Variants in RNASEH2A observed in about 807,000 individuals in gnomAD.
The protein encoded by RNASEH2A is ribonuclease H2 subunit A, also known as RNase H(35).
RNASEH2A carries 30 observed loss-of-function variants against 32.7 expected under a neutral mutation model. That is an observed-to-expected ratio of 0.92 (90% CI 0.69 to 1.25). The LOEUF (loss-of-function observed/expected upper bound fraction) is 1.25. Among genes scored for constraint, RNASEH2A ranks in the 50% most tolerant of loss-of-function variants. The probability of loss-of-function intolerance (pLI) is 0.00; values close to 1 mark genes in which losing one functional copy is unlikely to be tolerated. For synonymous variants in RNASEH2A, 147 were observed against 165.4 expected, an observed-to-expected ratio of 0.89 and a Z score of 0.86; for missense variants, 409 against 398.1, an observed-to-expected ratio of 1.03 and a Z score of -0.23.
At chr19:12,806,863 G>T in intron 1 of RNASEH2A, 63 bp downstream of exon 1, 3 of 1,596,114 alleles carry the variant, frequency 1.9e-6, no homozygotes, top group Non-Finnish European at 2.6e-6. Flanking sequence ...ACGGGAGTCG[G>T]GATTGCACTG....
At chr19:12,807,677 A>C in intron 4 of RNASEH2A, 171 bp downstream of exon 4, 1 of 679,564 alleles carries the variant, frequency 1.5e-6, no homozygotes, top group South Asian at 1.6e-5. Context: ...CACGCCTATA[A>C]TCGCAGCACT....
intron 6 of RNASEH2A, among the ~76,000 whole-genome samples, chr19:12,812,132 G>A (rs1969083230): frequency 6.6e-6 from 1 of 152,072 alleles, no homozygotes; most frequent in Non-Finnish European, 1.5e-5. Flanking sequence ...TACTTGGGAG[G>A]CTGAGGTGAG....
At chr19:12,811,763 C>CA (rs1436214974) in intron 6 of RNASEH2A, among the ~76,000 whole-genome samples, 1 of 151,568 alleles carries the variant, frequency 6.6e-6, no homozygotes, top group Non-Finnish European at 1.5e-5. Flanking sequence ...ACTAAAAATA[C>CA]AAAATTAGCT....
intron 4 of RNASEH2A, among the ~76,000 whole-genome samples, chr19:12,808,570 TC>T (rs1969029650): frequency 1.3e-5 from 2 of 152,000 alleles, no homozygotes; most frequent in Non-Finnish European, 1.5e-5. Flanking sequence ...TCCTATCCCC[TC>T]CAATCTGTTC....
At chr19:12,809,113 G>A (rs984436937) in intron 4 of RNASEH2A, among the ~76,000 whole-genome samples, 4 of 152,090 alleles carry the variant, frequency 2.6e-5, no homozygotes, top group African/African-American at 7.2e-5. Context: ...AGTAGCTCAC[G>A]CCTGTAATCC....
rs767046465 is a variant in RNASEH2A, at chr19:12,807,298, C to A, written c.292C>A (p.Pro98Thr). The change falls in exon 3 of 8, where the codon CCA becomes ACA. Residue 98 changes from proline to threonine, a missense_variant. Transcript: ENST00000221486. ...CGGCTGGGCGCTGGATGTGCTGTCT[C>A]CAAACCTCATCTCTACCAGCATGCT... ...FVGWALDVLS[P>T]NLISTSMLGR... 1 of 1,614,056 alleles carries A rather than the reference C, an allele frequency of 6.2e-7. No homozygotes were observed. Among genetic ancestry groups the A allele is most frequent in the African/African-American group, 1.3e-5 (1 of 74,918 alleles).
intron 4 of RNASEH2A, among the ~76,000 whole-genome samples, chr19:12,809,508 CTTTTTATTTTTTG>C (rs1421020265): frequency 7.9e-5 from 12 of 152,060 alleles, no homozygotes; most frequent in Non-Finnish European, 1.2e-4. Flanking sequence ...ACCTAGCTAA[CTTTTTATTTTTTG>C]TAGAAACAGG....
At position 12,811,221 on chromosome 19, in the gene RNASEH2A, A is replaced by G. The variant is rs959571104; in HGVS notation, c.637+817A>G. On this transcript the variant is annotated intron_variant, in intron 6 of 7. Transcript: ENST00000221486. ...GAGTGATAGAGCTGAATTCCAGGCC[A>G]TAGGATTGCTGCTGTCTTCCCCGCT... is the stretch of plus-strand genomic sequence containing the variant. 3.9e-5 allele frequency among the ~76,000 whole-genome samples: 6 copies of G among 152,168 alleles called. No individual in the cohort carries two copies. The South Asian group carries it at 1.2e-3, about 31-fold the overall frequency.
chr19:12,813,113 ACG>A lies in RNASEH2A; in HGVS notation c.669_670del (p.Val224GlyfsTer51). 6.2e-7 allele frequency: 1 copy of A among 1,614,140 alleles called. No individual in the cohort carries two copies. Among genetic ancestry groups the A allele is most frequent in the Admixed American group, 1.7e-5 (1 of 60,002 alleles). ...AAGACAAAAGCGTGGTTGAAGGAGC[ACG>A]TGGAGCCTGTGTTCGGCTTCCCCCA... On this transcript the variant is annotated frameshift_variant, in exon 7 of 8. Transcript: ENST00000221486. LOFTEE classifies it high-confidence loss of function.
intron 7 of RNASEH2A, 47 bp from the exon 8 acceptor site, chr19:12,813,281 G>A (rs758878583): frequency 1.9e-6 from 3 of 1,613,940 alleles, no homozygotes; most frequent in Non-Finnish European, 2.5e-6. Flanking sequence ...TGCCTGAGAG[G>A]GTTGCTCCCT....
rs1969003180 is a variant in RNASEH2A at position 12,807,035 on chromosome 19, G to A, written c.155G>A (p.Cys52Tyr). ...LGPMVYAICY[C>Y]PLPRLADLEA... is the part of the protein sequence containing the mutation. The stretch of plus-strand genomic sequence containing the variant: ...CCCATGGTCTACGCCATCTGTTATT[G>A]TCCCCTGCCTCGCCTGGCAGATCTG... Residue 52 changes from cysteine to tyrosine, a missense_variant, in exon 2 of 8, where the codon TGT becomes TAT. Coordinates refer to ENST00000221486, the MANE Select transcript of RNASEH2A (RefSeq NM_006397.3). The A allele has an allele frequency of 6.2e-7, 1 of 1,614,086 alleles. No individual in the cohort carries two copies. The highest frequency in any genetic ancestry group is 8.5e-7 in the Non-Finnish European group (1 of 1,180,012).
chr19:12,810,186 G>C lies in RNASEH2A; in HGVS notation c.527G>C (p.Ser176Thr). The part of the protein sequence containing the change: ...AKADALYPVV[S>T]AASICAKVAR... Reference sequence around the variant, plus strand: ...GCAGATGCCCTCTACCCGGTGGTTAGTGCTGCCAGCATCTGTGCCAAGGTC... The same window carrying C: ...GCAGATGCCCTCTACCCGGTGGTTACTGCTGCCAGCATCTGTGCCAAGGTC... Residue 176 changes from serine to threonine, a missense_variant, in exon 5 of 8, where the codon AGT becomes ACT. Transcript: ENST00000221486. The C allele has an allele frequency of 6.2e-7, 1 of 1,614,228 alleles. No homozygotes were observed. Among genetic ancestry groups the C allele is most frequent in the Non-Finnish European group, 8.5e-7 (1 of 1,180,042 alleles).
At chr19:12,810,561 G>A (rs1248632842) in intron 6 of RNASEH2A, among the ~76,000 whole-genome samples, 157 bp downstream of exon 6, 1 of 151,738 alleles carries the variant, frequency 6.6e-6, no homozygotes, top group Non-Finnish European at 1.5e-5. Context: ...ACGGAGTTTC[G>A]CTCTTTTTGC....
chr19:12,810,284 G>A (rs1311740324), intron 5 of RNASEH2A, 33 bp from the exon 6 acceptor site: 7 of 1,614,130 alleles, frequency 4.3e-6, no homozygotes, highest in Non-Finnish European at 5.9e-6. Flanking sequence ...CAAAGGGAAG[G>A]AGGGAGATTC....
At chr19:12,808,193 A>G (rs1969023547) in intron 4 of RNASEH2A, among the ~76,000 whole-genome samples, 1 of 152,160 alleles carries the variant, frequency 6.6e-6, no homozygotes, top group African/African-American at 2.4e-5. Context: ...CGGAGGTTGC[A>G]GTGAGGTGAG....
At chr19:12,810,446 AG>A (rs1969057555) in intron 6 of RNASEH2A, 42 bp downstream of exon 6, 1 of 1,483,504 alleles carries the variant, frequency 6.7e-7, no homozygotes, top group Admixed American at 1.7e-5. Flanking sequence ...TGAAATGGCC[AG>A]GGCTGAGCAC....
intron 4 of RNASEH2A, 186 bp downstream of exon 4, chr19:12,807,692 G>A: frequency 1.6e-6 from 1 of 644,572 alleles, no homozygotes; most frequent in East Asian, 2.8e-5. Flanking sequence ...AGCACTTTGG[G>A]AAGCCGCGGC....
chr19:12,806,747 G>A lies in RNASEH2A; in HGVS notation c.74G>A (p.Arg25His), dbSNP rs955631391. 6.4e-7 allele frequency: 1 copy of A among 1,572,376 alleles called. No individual in the cohort carries two copies. The highest frequency in any genetic ancestry group is 1.9e-5 in the Admixed American group (1 of 52,696). Residue 25 changes from arginine to histidine, a missense_variant, in exon 1 of 8, where the codon CGC becomes CAC. Physicochemically the swap from Arg to His is conservative, Grantham distance 29 (BLOSUM62 0). Transcript: ENST00000221486. ...AGTTCGCCTGTGCCCGCGGTGTGCC[G>A]CAAGGAGCCTTGCGTCCTGGGCGTC... ...RLSSPVPAVC[R>H]KEPCVLGVDE...
rs768346345 is a variant in RNASEH2A at position 12,813,440 on chromosome 19, G to A, written c.874G>A (p.Gly292Ser). Residue 292 changes from glycine to serine, a missense_variant, in exon 8 of 8, where the codon GGC (glycine) becomes AGC (serine). Physicochemically the swap from Gly to Ser is moderately conservative, Grantham distance 56. Transcript: ENST00000221486. ...RSSHRYFLER[G>S]LESATSL ...TTCCCACCGATATTTCCTGGAACGC[G>A]GCCTGGAGTCAGCAACCAGCCTCTA... 64 of 1,613,698 alleles carry A rather than the reference G, an allele frequency of 4.0e-5. No homozygotes were observed. The highest frequency in any genetic ancestry group is 1.1e-4 in the East Asian group (5 of 44,888).
Sources: allele counts gnomAD v4.1 joint callset (sites outside exome capture counted in the v4.1 genomes callset), GRCh38; gene constraint gnomAD v4.1.1; transcripts MANE v1.5; gene names NCBI Gene and HGNC (gene_info 2026-07-23, HGNC 2026-07-21).